The following SLC13A3 variants were observed in gnomAD, a reference collection of about 807,000 sequenced individuals.
SLC13A3 encodes solute carrier family 13 member 3.
Under a neutral mutation model 59.0 loss-of-function variants are expected in SLC13A3, and 40 were observed. The ratio of observed to expected loss-of-function variants is 0.68; its 90% CI spans 0.53 to 0.88. SLC13A3 has a LOEUF of 0.88. Among genes scored for constraint, SLC13A3 ranks in the 40% least tolerant of loss-of-function variants. SLC13A3 has a pLI of 0.00. For missense variants in SLC13A3, 699 were observed against 783.2 expected (o/e 0.89, Z 1.28); for synonymous variants, 317 against 330.3 (o/e 0.96, Z 0.44).
chr20:46,633,258 C>T (rs1299699082), intron 1 of SLC13A3, among the ~76,000 whole-genome samples: 1 of 152,102 alleles, frequency 6.6e-6, no homozygotes, highest in African/African-American at 2.4e-5. Context: ...CCAAGAGAAA[C>T]CCTTTCTGCC....
At chr20:46,571,580 C>G (rs2062028476) in intron 10 of SLC13A3, among the ~76,000 whole-genome samples, 1 of 152,122 alleles carries the variant, frequency 6.6e-6, no homozygotes, top group Non-Finnish European at 1.5e-5. Context: ...CCATTACGCA[C>G]CCGGTGTCTT....
chr20:46,567,798 T>A (rs1163947864), intron 10 of SLC13A3, among the ~76,000 whole-genome samples: 1 of 152,228 alleles, frequency 6.6e-6, no homozygotes, highest in South Asian at 2.1e-4. Flanking sequence ...CACATCATTA[T>A]AACCACAAAA....
intron 11 of SLC13A3, among the ~76,000 whole-genome samples, chr20:46,563,901 G>GTGGTGGGCTGGGT (rs2146077319): frequency 1.3e-5 from 2 of 152,316 alleles, no homozygotes; most frequent in South Asian, 4.1e-4. Context: ...ATGGGCTGGG[G>GTGGTGGGCTGGGT]TGGTGTACCT....
chr20:46,606,996 G>GTCTT (rs1232402791), intron 3 of SLC13A3, among the ~76,000 whole-genome samples: 1 of 152,210 alleles, frequency 6.6e-6, no homozygotes, highest in Non-Finnish European at 1.5e-5. Flanking sequence ...GTCTTATCCA[G>GTCTT]ATAGCCCCAC....
At chr20:46,608,921 G>A in intron 3 of SLC13A3, 1 of 1,550,914 alleles carries the variant, frequency 6.4e-7, no homozygotes, top group African/African-American at 1.4e-5. Flanking sequence ...CCGGCAGGAA[G>A]GACAGAACCC....
At chr20:46,637,375 T>C (rs1434592325) in intron 1 of SLC13A3, among the ~76,000 whole-genome samples, 2 of 152,184 alleles carry the variant, frequency 1.3e-5, no homozygotes, top group African/African-American at 4.8e-5. Flanking sequence ...CTCACTGAGA[T>C]TTTTCTCTGA....
At chr20:46,636,179 ACT>A (rs1214744244) in intron 1 of SLC13A3, among the ~76,000 whole-genome samples, 1 of 151,788 alleles carries the variant, frequency 6.6e-6, no homozygotes, top group African/African-American at 2.4e-5. Context: ...TACTCTGTGG[ACT>A]CACCCCGAAT....
chr20:46,674,600 C>T (rs1485210038), upstream of SLC13A3, among the ~76,000 whole-genome samples: 23 of 48,448 alleles, frequency 4.7e-4, no homozygotes, highest in Non-Finnish European at 6.7e-4. Flanking sequence ...CGCGCGCGCG[C>T]GCGCGTGTGT....
intron 10 of SLC13A3, 105 bp from the exon 11 acceptor site, chr20:46,566,495 G>A (rs1396492665): frequency 1.5e-6 from 2 of 1,328,632 alleles, no homozygotes; most frequent in Admixed American, 2.5e-5. Flanking sequence ...CCCCTTCCCA[G>A]ATGGGGAGAC....
At chr20:46,647,133 T>C (rs1182430335) in intron 1 of SLC13A3, among the ~76,000 whole-genome samples, 1 of 152,142 alleles carries the variant, frequency 6.6e-6, no homozygotes, top group Admixed American at 6.5e-5. Flanking sequence ...GGTGCACAGC[T>C]TGGCATGTGG....
In SLC13A3 at chr20:46,604,344, C is replaced by T. The variant is rs1016570913; in HGVS notation, c.542-4307G>A. Reference sequence around the variant, plus strand: ...AGGGTAGCTCATGGCATGTGTGCCCCGCCCCCTCACTGCTGTAGTAAATGA... The same window carrying T: ...AGGGTAGCTCATGGCATGTGTGCCCTGCCCCCTCACTGCTGTAGTAAATGA... On this transcript the variant is annotated intron_variant, in intron 3 of 12. Transcript: ENST00000279027. Among the ~76,000 whole-genome samples, 7 of 152,276 alleles carry T rather than the reference C, an allele frequency of 4.6e-5. No individual in the cohort carries two copies. In the East Asian group the frequency reaches 7.7e-4, roughly 17 times the overall value.
At chr20:46,592,190 C>T (rs2062265501) in intron 6 of SLC13A3, among the ~76,000 whole-genome samples, 2 of 152,116 alleles carry the variant, frequency 1.3e-5, no homozygotes, top group African/African-American at 4.8e-5. Context: ...CCAGCCTGGG[C>T]AGCAGAGCAA....
intron 4 of SLC13A3, among the ~76,000 whole-genome samples, chr20:46,597,659 A>C (rs1215713524): frequency 6.6e-6 from 1 of 152,028 alleles, no homozygotes; most frequent in Non-Finnish European, 1.5e-5. Context: ...CTGGTCTCGA[A>C]CTCCTCACCT....
chr20:46,597,401 T>C (rs1014125098), intron 4 of SLC13A3, among the ~76,000 whole-genome samples: 4 of 152,292 alleles, frequency 2.6e-5, no homozygotes, highest in South Asian at 4.1e-4. Flanking sequence ...ACAGCGTACA[T>C]AGAATTATCA....
chr20:46,599,880 TG>T, intron 4 of SLC13A3, 90 bp downstream of exon 4: 1 of 985,840 alleles, frequency 1.0e-6, no homozygotes, highest in Admixed American at 2.2e-5. Flanking sequence ...AATTCAGGGA[TG>T]GGAGGAAAAT....
At chr20:46,571,081 G>A (rs863674) in intron 10 of SLC13A3, among the ~76,000 whole-genome samples, 134,005 of 152,132 alleles carry the variant, frequency 0.88, 59,338 homozygotes, top group East Asian at 0.99. Flanking sequence ...GTGCCGAGCA[G>A]AAGGGGGAAA....
chr20:46,596,706 A>G (rs1028239888), intron 4 of SLC13A3, among the ~76,000 whole-genome samples: 6 of 152,230 alleles, frequency 3.9e-5, no homozygotes, highest in Admixed American at 1.3e-4. Flanking sequence ...CCAGTCATAA[A>G]CTATAGTGAA....
intron 1 of SLC13A3, among the ~76,000 whole-genome samples, chr20:46,668,906 T>C (rs1038030160): frequency 6.6e-6 from 1 of 152,236 alleles, no homozygotes; most frequent in Non-Finnish European, 1.5e-5. Flanking sequence ...ATTTTAAGCC[T>C]ATTGTTGAGA....
At chr20:46,676,225 G>A (rs758958311) in intron 1 of SLC13A3, 1 of 151,830 alleles carries the variant, frequency 6.6e-6, no homozygotes, top group Non-Finnish European at 1.5e-5. Flanking sequence ...TTTTATTGAA[G>A]TACCACATAA....
Sources: gnomAD v4.1 joint callset for allele counts (sites outside exome capture counted in the v4.1 genomes callset) on GRCh38, gnomAD v4.1.1 for gene constraint, MANE v1.5 for transcripts, NCBI Gene and HGNC (gene_info 2026-07-23, HGNC 2026-07-21) for gene names.